HHATL: variants seen among roughly 807,000 people sequenced by gnomAD.
HHATL encodes protein-cysteine N-palmitoyltransferase HHAT-like protein.
Under a neutral mutation model 59.7 loss-of-function variants are expected in HHATL, and 49 were observed. That is an observed-to-expected ratio of 0.82 (90% CI 0.65 to 1.04). HHATL has a LOEUF of 1.04. Ranked by LOEUF, HHATL falls within the 50% of genes least tolerant of loss-of-function variation. The pLI, the probability that HHATL is intolerant of heterozygous loss-of-function variation, is 0.00. For synonymous variants in HHATL, 238 were observed against 257.3 expected (o/e 0.93, Z 0.72); for missense variants, 605 against 650.8 (o/e 0.93, Z 0.77).
intron 8 of HHATL, 27 bp downstream of exon 8, chr3:42,696,974 G>A (rs769679637): frequency 6.2e-7 from 1 of 1,612,406 alleles, no homozygotes; most frequent in Non-Finnish European, 8.5e-7. Flanking sequence ...CAGGGGGTGA[G>A]CCTCCCCCGT....
In HHATL at chr3:42,693,758, T is replaced by C; in HGVS notation, c.1107A>G (p.Thr369=). The change falls in exon 10 of 12, where the codon ACA becomes ACG. Residue 369 remains threonine, a synonymous_variant. Coordinates refer to ENST00000441594, the MANE Select transcript of HHATL (RefSeq NM_020707.4). ...HSAVIPELAA[T]VATFAITTLW... ...GTGTGGTGATGGCAAATGTGGCCACTGTGGCTGCCAGCTCTGGGATCACAG... is the reference window on the plus strand; with the variant it reads ...GTGTGGTGATGGCAAATGTGGCCACCGTGGCTGCCAGCTCTGGGATCACAG... 6.2e-7 allele frequency: 1 copy of C among 1,614,142 alleles called. No individual in the cohort carries two copies. The highest frequency in any genetic ancestry group is 8.5e-7 in the Non-Finnish European group (1 of 1,180,008).
intron 9 of HHATL, chr3:42,694,026 T>A: frequency 1.7e-6 from 1 of 590,038 alleles, no homozygotes; most frequent in Non-Finnish European, 3.0e-6. Context: ...TCTCTGTTCG[T>A]TTACTTCCCA....
At position 42,699,254 on chromosome 3, in the gene HHATL, T is replaced by A. The variant is rs1697822737; in HGVS notation, c.175-109A>T. ...GCCCCAGCACCTTTCCCAGCCTTCA[T>A]GTTCTTCTTTTATTATTATCATTTT... is the stretch of plus-strand genomic sequence containing the variant. On this transcript the variant is annotated intron_variant, in intron 3 of 11. Transcript: ENST00000441594. 3 of 540,976 alleles carry A rather than the reference T, an allele frequency of 5.5e-6. No homozygotes were observed. In the East Asian group the frequency reaches 9.3e-5, roughly 17 times the overall value. The allele number at this position is 540,976 out of a possible 1,614,324, so 33.5% of individuals were successfully genotyped here.
chr3:42,701,093 C>T lies in HHATL; in HGVS notation c.-13-254G>A, dbSNP rs1340903763. 8.5e-6 allele frequency: 4 copies of T among 469,408 alleles called. No individual in the cohort carries two copies. Among genetic ancestry groups the T allele is most frequent in the South Asian group, 3.5e-5 (1 of 28,634 alleles). 29.1% of individuals were successfully genotyped at this position (469,408 alleles called of 1,614,324 possible). ...GGCTCTTGCCCGCAGAGCCCTCACT[C>T]GCAGCCTGCCTCCCTCACCTTCATT... On this transcript the variant is annotated intron_variant, in intron 1 of 11. Transcript: ENST00000441594. The surrounding 1 kb of genome is among the most constrained non-coding windows in gnomAD (Gnocchi z 5.1).
At chr3:42,693,257 G>A in intron 10 of HHATL, 39 bp from the exon 11 acceptor site, 1 of 1,608,786 alleles carries the variant, frequency 6.2e-7, no homozygotes, top group Non-Finnish European at 8.5e-7. Flanking sequence ...GGGACAAGAG[G>A]CCAAAGGAAA....
At chr3:42,693,567 C>G (rs1434128207) in intron 10 of HHATL, 50 bp downstream of exon 10, 2 of 1,518,074 alleles carry the variant, frequency 1.3e-6, no homozygotes, top group East Asian at 2.3e-5. Context: ...GCAGTGCCCC[C>G]CCGCCCTCTA....
At chr3:42,692,979 C>A (rs1697417198) in intron 11 of HHATL, 98 bp downstream of exon 11, 36 of 1,588,450 alleles carry the variant, frequency 2.3e-5, no homozygotes, top group Admixed American at 6.7e-5. Context: ...CCTTCTGAGT[C>A]CCAGGGGTGA....
In HHATL at chr3:42,697,444, G is replaced by T; in HGVS notation, c.865+64C>A. On this transcript the variant is annotated intron_variant, in intron 7 of 11. Transcript: ENST00000441594. ...AGCTCCCCTGACTGTGGCACCGTGG[G>T]GGTGCAGAGGGTCTGTTTTCCTGGG... 4 of 1,535,382 alleles carry T rather than the reference G, an allele frequency of 2.6e-6. No homozygotes were observed. The East Asian group carries it at 9.0e-5, about 35-fold the overall frequency.
In HHATL at chr3:42,697,066, G is replaced by A. The variant is rs1248051288; in HGVS notation, c.945C>T (p.Cys315=). Residue 315 remains cysteine (C), a synonymous_variant, in exon 8 of 12, where the codon TGC becomes TGT. Coordinates refer to ENST00000441594, the MANE Select transcript of HHATL (RefSeq NM_020707.4). Reference sequence around the variant, plus strand: ...GCTGGGGTGGGTCCAGGTGGTCGAGGCATGCCACAGTGTTGACAACACCAA... The same window carrying A: ...GCTGGGGTGGGTCCAGGTGGTCGAGACATGCCACAGTGTTGACAACACCAA... ...VLFGVVNTVA[C]LDHLDPPQPP... is the part of the protein sequence containing the mutation. 6.9e-6 allele frequency: 11 copies of A among 1,587,910 alleles called. No individual in the cohort carries two copies. The highest frequency in any genetic ancestry group is 9.4e-6 in the Non-Finnish European group (11 of 1,166,220).
intron 9 of HHATL, 45 bp downstream of exon 9, chr3:42,696,797 A>G (rs764565821): frequency 1.2e-6 from 2 of 1,606,088 alleles, no homozygotes; most frequent in African/African-American, 2.7e-5. Context: ...CTGCTCAGAC[A>G]CCTGGCAGGA....
intron 5 of HHATL, 70 bp from the exon 6 acceptor site, chr3:42,698,421 T>C (rs763909073): frequency 5.7e-6 from 8 of 1,412,174 alleles, no homozygotes; most frequent in Non-Finnish European, 7.8e-6. Flanking sequence ...TATTCCCCAC[T>C]CCCTAGCTTC....
Position 42,699,850 on chromosome 3 carries a change from G to A in HHATL, c.107-25C>T, listed in dbSNP as rs578129310. On this transcript the variant is annotated intron_variant, in intron 2 of 11. Coordinates refer to ENST00000441594, the MANE Select transcript of HHATL (RefSeq NM_020707.4). ...TCTGAGAACAGAGTGTGGCCTCAGG[G>A]AGAGGGGCCTTCACATCCCCTGCCC... 166 of 1,544,248 alleles carry A rather than the reference G, an allele frequency of 1.1e-4. 2 individuals carry two copies. The South Asian group carries it at 1.9e-3, about 18-fold the overall frequency.
At chr3:42,694,834 C>A (rs567012289) in intron 9 of HHATL, among the ~76,000 whole-genome samples, 8 of 152,358 alleles carry the variant, frequency 5.3e-5, no homozygotes, top group Admixed American at 5.2e-4. Flanking sequence ...AGCTTCTACC[C>A]TGTTGTCAAC....
chr3:42,697,405 G>T, intron 7 of HHATL, 103 bp downstream of exon 7: 1 of 1,334,508 alleles, frequency 7.5e-7, no homozygotes, highest in Non-Finnish European at 1.0e-6. Context: ...CAGGTGCTGT[G>T]CCCTGCGTGC....
rs564183775 is a variant in HHATL at position 42,697,496 on chromosome 3, C to A, written c.865+12G>T. 2.7e-5 allele frequency: 43 copies of A among 1,611,972 alleles called. No homozygotes were observed. Among genetic ancestry groups the A allele is most frequent in the Non-Finnish European group, 3.4e-5 (40 of 1,178,712 alleles). On this transcript the variant is annotated intron_variant, in intron 7 of 11. Transcript: ENST00000441594. ...CGGCAGCCCTGCCCCCATTTCTCTT[C>A]TGTGGACCCACCGAGGGCACTGTCT...
intron 5 of HHATL, 124 bp from the exon 6 acceptor site, chr3:42,698,475 G>A (rs911429256): frequency 6.8e-6 from 7 of 1,030,188 alleles, no homozygotes; most frequent in Admixed American, 5.1e-5. Flanking sequence ...CTCTTCCAGA[G>A]CCAGTTAACT....
At position 42,693,677 on chromosome 3, in the gene HHATL, G is replaced by T. The variant is rs938006248; in HGVS notation, c.1188C>A (p.Gly396=). The T allele has an allele frequency of 6.2e-7, 1 of 1,614,024 alleles. No individual in the cohort carries two copies. The highest frequency in any genetic ancestry group is 1.7e-5 in the Admixed American group (1 of 60,000). The change falls in exon 10 of 12, where the codon GGC becomes GGA. Residue 396 remains glycine (G), a synonymous_variant. Transcript: ENST00000441594. ...VYLWSFLNCF[G]LNFELWMQKL... ...TTTGCATCCAGAGCTCAAAGTTGAG[G>T]CCAAAGCAGTTAAGGAATGACCACA... is the stretch of plus-strand genomic sequence containing the variant.
At chr3:42,702,332 C>T (rs1350522170) in intron 1 of HHATL, among the ~76,000 whole-genome samples, 1 of 152,236 alleles carries the variant, frequency 6.6e-6, no homozygotes, top group Non-Finnish European at 1.5e-5. Context: ...TCCCCATGGC[C>T]GGTGCGGGGT....
In HHATL at chr3:42,697,551, G is replaced by T; in HGVS notation, c.822C>A (p.Pro274=). Residue 274 remains proline (P), a synonymous_variant, in exon 7 of 12, where the codon CCC becomes CCA. Transcript: ENST00000441594. The part of the protein sequence containing the change: ...FFHFFYILTI[P]SDLKFANRLP... Reference sequence around the variant, plus strand: ...GGCGGTTGGCGAACTTGAGGTCGCTGGGGATAGTGAGGATGTAGAAGAAGT... The same window carrying T: ...GGCGGTTGGCGAACTTGAGGTCGCTTGGGATAGTGAGGATGTAGAAGAAGT... The T allele has an allele frequency of 6.2e-7, 1 of 1,614,082 alleles. No individual in the cohort carries two copies. The highest frequency in any genetic ancestry group is 8.5e-7 in the Non-Finnish European group (1 of 1,179,966).
Sources: gnomAD v4.1 joint callset for allele counts (sites outside exome capture counted in the v4.1 genomes callset) on GRCh38, gnomAD v4.1.1 for gene constraint, Gnocchi (gnomAD v3.1) non-coding constraint, MANE v1.5 for transcripts, NCBI Gene and HGNC (gene_info 2026-07-23, HGNC 2026-07-21) for gene names.